The following PCDHAC1 variants were observed in gnomAD, a reference collection of about 807,000 sequenced individuals.
PCDHAC1 encodes the protein protocadherin alpha subfamily C, 1, also known as protocadherin alpha-C1.
Under a neutral mutation model 60.0 loss-of-function variants are expected in PCDHAC1, and 42 were observed. That is an observed-to-expected ratio of 0.70 (90% CI 0.55 to 0.90). The LOEUF (loss-of-function observed/expected upper bound fraction) is 0.90, where lower values mean the gene tolerates loss of function less well. Ranked by LOEUF, PCDHAC1 falls within the 40% of genes least tolerant of loss-of-function variation. The pLI is 0.00. For missense variants in PCDHAC1, 1,160 were observed against 1,222.3 expected, an observed-to-expected ratio of 0.95 and a Z score of 0.76; for synonymous variants, 468 against 499.3, an observed-to-expected ratio of 0.94 and a Z score of 0.84.
chr5:141,006,769 A>G (rs575481848), intron 3 of PCDHAC1, among the ~76,000 whole-genome samples: 1 of 152,208 alleles, frequency 6.6e-6, no homozygotes, highest in Non-Finnish European at 1.5e-5. Flanking sequence ...AGAATAGAAT[A>G]GAGAAAAATG....
intron 3 of PCDHAC1, among the ~76,000 whole-genome samples, chr5:140,996,093 A>G (rs2097711389): frequency 6.6e-6 from 1 of 152,210 alleles, no homozygotes; most frequent in South Asian, 2.1e-4. Flanking sequence ...GCTAGATTAC[A>G]TGGAATGGTA....
intron 3 of PCDHAC1, among the ~76,000 whole-genome samples, chr5:141,001,563 C>A (rs531745574): frequency 6.6e-6 from 1 of 152,296 alleles, no homozygotes; most frequent in South Asian, 2.1e-4. Context: ...GACCACGATT[C>A]TCCTGTGTTT....
intron 3 of PCDHAC1, among the ~76,000 whole-genome samples, chr5:141,005,531 G>A (rs1441846175): frequency 1.3e-5 from 2 of 151,072 alleles, no homozygotes; most frequent in African/African-American, 4.9e-5. Context: ...GTGAAACCCC[G>A]TCTCTACTAA....
chr5:140,969,198 C>T lies in PCDHAC1; in HGVS notation c.2434-9751C>T, dbSNP rs2096305688. ...AGTGACACTTTCATGTTTTACAATA[C>T]AGGGGCCCAGACAGGACCAGGGCCT... On this transcript the variant is annotated intron_variant, in intron 1 of 3. Coordinates refer to ENST00000253807, the MANE Select transcript of PCDHAC1 (RefSeq NM_018898.5). 1 of 1,614,166 alleles carries T rather than the reference C, an allele frequency of 6.2e-7. No individual in the cohort carries two copies. Among genetic ancestry groups the T allele is most frequent in the Non-Finnish European group, 8.5e-7 (1 of 1,180,032 alleles).
intron 2 of PCDHAC1, 118 bp downstream of exon 2, chr5:140,979,125 C>A (rs782380399): frequency 8.7e-5 from 128 of 1,479,726 alleles, no homozygotes; most frequent in Non-Finnish European, 1.0e-4. Flanking sequence ...GGTACTTTGC[C>A]AGGAAAATGC....
intron 3 of PCDHAC1, among the ~76,000 whole-genome samples, chr5:141,007,371 TG>T (rs2098319446): frequency 7.8e-6 from 1 of 128,740 alleles, no homozygotes. Context: ...GGCAACATGA[TG>T]GAACACCATC....
At position 140,929,315 on chromosome 5, in the gene PCDHAC1, T is replaced by C; in HGVS notation, c.2423T>C (p.Val808Ala). The change falls in exon 1 of 4, where the codon GTC (valine) becomes GCC (alanine). Residue 808 changes from valine to alanine, a missense_variant. Val to Ala is a moderately conservative substitution (Grantham distance 64, BLOSUM62 0). Around this residue, in one of 3 missense-constraint regions of PCDHAC1, gnomAD observed 1,113 missense variants for 1,163.7 expected, o/e 0.96. Coordinates refer to ENST00000253807, the MANE Select transcript of PCDHAC1 (RefSeq NM_018898.5). ...IRNRKGDHAN[V>A]NAMPRQPNPD... ...AATAGGAAAGGGGATCACGCTAATG[T>C]CAATGCCATGGTAAGCAAATTTTAT... The C allele has an allele frequency of 6.4e-7, 1 of 1,559,382 alleles. No homozygotes were observed. Among genetic ancestry groups the C allele is most frequent in the African/African-American group, 1.4e-5 (1 of 73,402 alleles).
At chr5:140,970,920 G>A (rs957123423) in intron 1 of PCDHAC1, among the ~76,000 whole-genome samples, 2 of 152,266 alleles carry the variant, frequency 1.3e-5, no homozygotes, top group Non-Finnish European at 2.9e-5. Flanking sequence ...TTTATCAGAA[G>A]TGCCTGGTGT....
intron 1 of PCDHAC1, among the ~76,000 whole-genome samples, chr5:140,946,691 G>A (rs782114019): frequency 3.4e-5 from 5 of 147,578 alleles, no homozygotes; most frequent in African/African-American, 5.1e-5. Context: ...TGACAATATG[G>A]ATGAATCTGG....
chr5:140,965,242 A>T (rs1373643411), intron 1 of PCDHAC1, among the ~76,000 whole-genome samples: 2 of 152,196 alleles, frequency 1.3e-5, no homozygotes, highest in African/African-American at 4.8e-5. Context: ...GGGAAGAGTG[A>T]ATATTCAGAA....
rs2098423382 is a variant in PCDHAC1, at chr5:141,012,241, T to C, written c.*2304T>C. On this transcript the variant is annotated 3_prime_UTR_variant, in exon 4 of 4. Coordinates refer to ENST00000253807, the MANE Select transcript of PCDHAC1 (RefSeq NM_018898.5). ...GTGCTTTCCAATCCATGTTAGTTAC[T>C]AGTTATTACAGCTGTAAGGATAAAA... 6.5e-6 allele frequency: 1 copy of C among 153,802 alleles called. No homozygotes were observed. The highest frequency in any genetic ancestry group is 6.5e-5 in the Admixed American group (1 of 15,284). The allele number at this position is 153,802 out of a possible 1,614,324, so 9.5% of individuals were successfully genotyped here.
chr5:140,932,500 T>C (rs2088368568), intron 1 of PCDHAC1, among the ~76,000 whole-genome samples: 3 of 151,914 alleles, frequency 2.0e-5, no homozygotes, highest in Non-Finnish European at 4.4e-5. Context: ...ATGTCATTTG[T>C]TAACAGTAGT....
intron 3 of PCDHAC1, among the ~76,000 whole-genome samples, chr5:140,996,604 A>G (rs1554255259): frequency 1.3e-5 from 2 of 152,090 alleles, no homozygotes; most frequent in African/African-American, 4.8e-5. Flanking sequence ...CCCCATTTTC[A>G]TTTGGCAAAT....
intron 1 of PCDHAC1, among the ~76,000 whole-genome samples, chr5:140,960,487 GGTTT>G: frequency 6.6e-6 from 1 of 152,236 alleles, no homozygotes; most frequent in South Asian, 2.1e-4. Context: ...CAGAGGTGTA[GGTTT>G]GTTTGTTCCA....
chr5:140,950,278 G>A (rs2094467824), intron 1 of PCDHAC1, among the ~76,000 whole-genome samples: 1 of 151,868 alleles, frequency 6.6e-6, no homozygotes, highest in African/African-American at 2.4e-5. Context: ...ATGTCTTTTT[G>A]CTTCAACCTG....
chr5:140,985,228 C>G (rs1022229644), intron 3 of PCDHAC1, among the ~76,000 whole-genome samples: 4 of 152,156 alleles, frequency 2.6e-5, no homozygotes, highest in Non-Finnish European at 4.4e-5. Context: ...TGAGCCACCG[C>G]GCCTGGCCTA....
intron 1 of PCDHAC1, among the ~76,000 whole-genome samples, chr5:140,941,256 T>TTTCTTTCTTTCTTTCA (rs2092982969): frequency 2.2e-5 from 1 of 45,974 alleles, no homozygotes. Flanking sequence ...TCTTTCTTTC[T>TTTCTTTCTTTCTTTCA]CTTTCTTTCT....
chr5:140,983,329 A>G (rs1359569826), intron 3 of PCDHAC1, among the ~76,000 whole-genome samples: 8 of 152,228 alleles, frequency 5.3e-5, no homozygotes, highest in Admixed American at 6.5e-5. Flanking sequence ...TTCTTGCCCT[A>G]TCACTAAAGC....
At chr5:140,945,955 A>C (rs1174972799) in intron 1 of PCDHAC1, among the ~76,000 whole-genome samples, 2 of 152,136 alleles carry the variant, frequency 1.3e-5, no homozygotes, top group African/African-American at 4.8e-5. Context: ...TGACCCTGAA[A>C]GCACAGGCAA....
Sources: allele counts gnomAD v4.1 joint callset (sites outside exome capture counted in the v4.1 genomes callset), GRCh38; gene constraint gnomAD v4.1.1; regional missense constraint gnomAD v4.1.1; transcripts MANE v1.5; gene names NCBI Gene and HGNC (gene_info 2026-07-23, HGNC 2026-07-21).